MEI4: variants seen among roughly 807,000 people sequenced by gnomAD.
The protein encoded by MEI4 is meiotic double-stranded break formation protein 4, also known as meiosis-specific protein MEI4.
A neutral mutation model predicts 31.4 loss-of-function variants in MEI4; 27 were observed. The observed-to-expected ratio is 0.86, with a 90% CI of 0.63 to 1.19. MEI4 has a LOEUF of 1.19. Among genes scored for constraint, MEI4 ranks in the 50% most tolerant of loss-of-function variants. MEI4 has a pLI of 0.00. For synonymous variants in MEI4, 122 were observed against 145.4 expected, an observed-to-expected ratio of 0.84 and a Z score of 1.16; for missense variants, 329 against 398.9, an observed-to-expected ratio of 0.82 and a Z score of 1.49.
intron 2 of MEI4, among the ~76,000 whole-genome samples, chr6:77,732,135 T>G (rs1355112560): frequency 6.6e-6 from 1 of 151,478 alleles, no homozygotes; most frequent in Non-Finnish European, 1.5e-5. Flanking sequence ...CCATATGAAC[T>G]TGAAAGTAGT....
chr6:77,752,888 T>G (rs1037432462), intron 2 of MEI4, among the ~76,000 whole-genome samples: 4 of 152,202 alleles, frequency 2.6e-5, no homozygotes, highest in African/African-American at 9.7e-5. Context: ...AGCATGGTAC[T>G]GGTACCAAAA....
In MEI4 at chr6:77,791,644, C is replaced by T. The variant is rs574085049; in HGVS notation, c.768+29979C>T. Among the ~76,000 whole-genome samples, 13 of 147,116 alleles carry T rather than the reference C, an allele frequency of 8.8e-5. 1 individual carries two copies. In the South Asian group the frequency reaches 2.8e-3, roughly 32 times the overall value. On this transcript the variant is annotated intron_variant, in intron 3 of 4. Transcript: ENST00000684080. ...CATGTATACATATGTAACTAACCTG[C>T]ACAATGTGCACATGTACCCTAAAAC...
chr6:77,817,696 AT>A (rs922597068), intron 3 of MEI4, among the ~76,000 whole-genome samples: 1 of 151,976 alleles, frequency 6.6e-6, no homozygotes, highest in Non-Finnish European at 1.5e-5. Context: ...TGATGTTATA[AT>A]TTTTTTATAA....
At chr6:77,906,048 ATC>A (rs1766289429) in intron 4 of MEI4, among the ~76,000 whole-genome samples, 1 of 152,014 alleles carries the variant, frequency 6.6e-6, no homozygotes, top group African/African-American at 2.4e-5. Flanking sequence ...CAATTTTAAT[ATC>A]TCTGTAAAAT....
At chr6:77,880,145 T>C (rs2127728269) in intron 4 of MEI4, among the ~76,000 whole-genome samples, 1 of 152,266 alleles carries the variant, frequency 6.6e-6, no homozygotes, top group African/African-American at 2.4e-5. Context: ...TCATTTAGTG[T>C]CTGTCCACAT....
intron 2 of MEI4, among the ~76,000 whole-genome samples, chr6:77,733,255 C>G (rs1267916568): frequency 1.3e-5 from 2 of 151,932 alleles, no homozygotes; most frequent in Non-Finnish European, 2.9e-5. Flanking sequence ...TCCATCTGAT[C>G]CTGGACTCTT....
At chr6:77,801,949 A>G (rs1275626452) in intron 3 of MEI4, among the ~76,000 whole-genome samples, 7 of 152,114 alleles carry the variant, frequency 4.6e-5, no homozygotes, top group African/African-American at 1.4e-4. Context: ...ATATTCTGTT[A>G]ATTTGGGGTG....
At chr6:77,900,786 C>T (rs1411260674) in intron 4 of MEI4, among the ~76,000 whole-genome samples, 1 of 151,908 alleles carries the variant, frequency 6.6e-6, no homozygotes, top group African/African-American at 2.4e-5. Context: ...TTGTCATTAA[C>T]TTTACCATAA....
At chr6:77,849,689 G>C (rs956205319) in intron 4 of MEI4, among the ~76,000 whole-genome samples, 1 of 152,176 alleles carries the variant, frequency 6.6e-6, no homozygotes, top group African/African-American at 2.4e-5. Flanking sequence ...TGATTATAGA[G>C]CTGTAGTGCA....
intron 4 of MEI4, among the ~76,000 whole-genome samples, chr6:77,887,113 C>CACT (rs1771638522): frequency 6.6e-6 from 1 of 151,202 alleles, no homozygotes; most frequent in African/African-American, 2.4e-5. Context: ...TCCCTCTGAG[C>CACT]GCTGCCTTTG....
intron 3 of MEI4, among the ~76,000 whole-genome samples, chr6:77,819,960 CT>C (rs527703607): frequency 9.2e-4 from 140 of 151,886 alleles, no homozygotes; most frequent in African/African-American, 3.3e-3. Flanking sequence ...CGTGTACCTG[CT>C]TTTTTTTCTT....
intron 4 of MEI4, among the ~76,000 whole-genome samples, chr6:77,904,599 A>G (rs79204582): frequency 1.3e-3 from 194 of 152,254 alleles, no homozygotes; most frequent in African/African-American, 4.5e-3. Flanking sequence ...ACTTAGGACA[A>G]TGGCCTTCAG....
intron 4 of MEI4, among the ~76,000 whole-genome samples, chr6:77,920,213 C>T (rs1283236802): frequency 1.3e-5 from 2 of 151,842 alleles, no homozygotes; most frequent in African/African-American, 2.4e-5. Context: ...GAATTTTAGA[C>T]CAATATCCTT....
At chr6:77,889,893 G>A (rs886306574) in intron 4 of MEI4, among the ~76,000 whole-genome samples, 3 of 152,238 alleles carry the variant, frequency 2.0e-5, no homozygotes, top group African/African-American at 7.2e-5. Flanking sequence ...TAAGCCCCAA[G>A]ACTTGGAGGC....
intron 3 of MEI4, among the ~76,000 whole-genome samples, chr6:77,803,173 T>C (rs1308159897): frequency 1.3e-5 from 2 of 152,192 alleles, no homozygotes; most frequent in African/African-American, 4.8e-5. Flanking sequence ...GTTCATTTCT[T>C]TTTATACTTT....
intron 4 of MEI4, among the ~76,000 whole-genome samples, chr6:77,848,556 A>T (rs1273153717): frequency 6.6e-6 from 1 of 152,196 alleles, no homozygotes; most frequent in African/African-American, 2.4e-5. Context: ...AGGATGCATC[A>T]TTAGAGTCCC....
chr6:77,825,400 C>T (rs955940481), intron 3 of MEI4, among the ~76,000 whole-genome samples: 23 of 152,096 alleles, frequency 1.5e-4, no homozygotes, highest in African/African-American at 5.6e-4. Context: ...AGGGAGGGCC[C>T]CAGAGCTTTC....
intron 2 of MEI4, among the ~76,000 whole-genome samples, chr6:77,697,207 CA>C (rs1281220816): frequency 2.6e-5 from 4 of 152,048 alleles, no homozygotes; most frequent in Admixed American, 2.6e-4. Flanking sequence ...TTGATCTTTT[CA>C]AAAAACCAGC....
chr6:77,892,348 A>G (rs1052878837), intron 4 of MEI4, among the ~76,000 whole-genome samples: 1 of 152,118 alleles, frequency 6.6e-6, no homozygotes, highest in Admixed American at 6.5e-5. Flanking sequence ...GACATTATGC[A>G]TAGGTGTCAC....
Sources: gnomAD v4.1 joint callset for allele counts (sites outside exome capture counted in the v4.1 genomes callset) on GRCh38, gnomAD v4.1.1 for gene constraint, MANE v1.5 for transcripts, NCBI Gene and HGNC (gene_info 2026-07-23, HGNC 2026-07-21) for gene names.